Variants in MAP7 observed in about 807,000 individuals in gnomAD.
MAP7 encodes the protein ensconsin.
Under a neutral mutation model 94.8 loss-of-function variants are expected in MAP7, and 52 were observed. The observed-to-expected ratio is 0.55, with a 90% confidence interval of 0.44 to 0.69. The LOEUF (loss-of-function observed/expected upper bound fraction) is 0.69. Among genes scored for constraint, MAP7 ranks in the 30% least tolerant of loss-of-function variants. The pLI is 0.00. For missense variants in MAP7, 940 were observed against 964.6 expected (o/e 0.97, Z 0.34); for synonymous variants, 350 against 357.0 (o/e 0.98, Z 0.22).
intron 1 of MAP7, among the ~76,000 whole-genome samples, chr6:136,492,410 T>C (rs934973306): frequency 2.0e-5 from 3 of 152,236 alleles, no homozygotes; most frequent in African/African-American, 7.2e-5. Flanking sequence ...AACCCTCCCA[T>C]GTAATTTTCT....
chr6:136,345,675 T>C, intron 17 of MAP7, 181 bp downstream of exon 17: 1 of 680,762 alleles, frequency 1.5e-6, no homozygotes, highest in Non-Finnish European at 2.7e-6. Context: ...CCTTAGAAGT[T>C]GTCCAATCCA....
chr6:136,344,126 T>G lies in MAP7; in HGVS notation c.*102A>C. 1 of 486,418 alleles carries G rather than the reference T, an allele frequency of 2.1e-6. No individual in the cohort carries two copies. Among genetic ancestry groups the G allele is most frequent in the South Asian group, 7.1e-5 (1 of 13,992 alleles). 30.1% of individuals were successfully genotyped at this position (486,418 alleles called of 1,614,324 possible). On this transcript the variant is annotated 3_prime_UTR_variant, in exon 18 of 18. Transcript: ENST00000354570. Reference sequence around the variant, plus strand: ...TTTTCAAAATGATGGTCAAGAACTCTAGAAAACGGGTGGAGGGGATGCTCC... The same window carrying G: ...TTTTCAAAATGATGGTCAAGAACTCGAGAAAACGGGTGGAGGGGATGCTCC...
intron 3 of MAP7, among the ~76,000 whole-genome samples, chr6:136,402,157 T>C (rs1784285882): frequency 6.6e-6 from 1 of 152,210 alleles, no homozygotes; most frequent in African/African-American, 2.4e-5. Context: ...CCTTTCCTGA[T>C]GACCACAGCA....
At chr6:136,547,159 A>C (rs1415199881) in intron 1 of MAP7, among the ~76,000 whole-genome samples, 3 of 152,188 alleles carry the variant, frequency 2.0e-5, no homozygotes, top group Admixed American at 1.3e-4. Flanking sequence ...TGATTTGGAA[A>C]AGTTCATGAA....
At chr6:136,454,410 G>A (rs1355347160) in intron 1 of MAP7, among the ~76,000 whole-genome samples, 1 of 151,916 alleles carries the variant, frequency 6.6e-6, no homozygotes, top group Non-Finnish European at 1.5e-5. Flanking sequence ...GGGCTCAAGC[G>A]ATCCTCCCGC....
intron 1 of MAP7, among the ~76,000 whole-genome samples, chr6:136,537,891 C>T (rs1829011698): frequency 6.6e-6 from 1 of 151,934 alleles, no homozygotes; most frequent in Admixed American, 6.5e-5. Flanking sequence ...AAGCGATTCT[C>T]CTGCCTCAGC....
chr6:136,497,797 C>CA (rs1199112585), intron 1 of MAP7, among the ~76,000 whole-genome samples: 3,275 of 46,582 alleles, frequency 0.07, 133 homozygotes, highest in Non-Finnish European at 0.091. Context: ...GACTCTGTCA[C>CA]AAAAAAAAAA....
chr6:136,376,649 G>C (rs988621312), intron 7 of MAP7, among the ~76,000 whole-genome samples: 2 of 152,206 alleles, frequency 1.3e-5, no homozygotes, highest in Non-Finnish European at 2.9e-5. Context: ...GGATGGAGGG[G>C]AAAGCACATT....
At chr6:136,356,618 A>T in intron 16 of MAP7, 74 bp downstream of exon 16, 1 of 1,186,494 alleles carries the variant, frequency 8.4e-7, no homozygotes, top group Non-Finnish European at 1.2e-6. Flanking sequence ...TAATGTTAAG[A>T]CTTTGAAATT....
chr6:136,400,509 A>C (rs1185573051), intron 3 of MAP7, among the ~76,000 whole-genome samples: 1 of 152,214 alleles, frequency 6.6e-6, no homozygotes, highest in Non-Finnish European at 1.5e-5. Flanking sequence ...AGAATGGGTT[A>C]AAAACAAAAA....
At chr6:136,494,877 A>G (rs1817721431) in intron 1 of MAP7, among the ~76,000 whole-genome samples, 1 of 152,216 alleles carries the variant, frequency 6.6e-6, no homozygotes, top group Non-Finnish European at 1.5e-5. Context: ...GAATCCAACA[A>G]TACAGAGCAT....
At chr6:136,518,488 A>T (rs1352254480) in intron 1 of MAP7, among the ~76,000 whole-genome samples, 1 of 152,216 alleles carries the variant, frequency 6.6e-6, no homozygotes, top group East Asian at 1.9e-4. Flanking sequence ...GGGCCTCGGC[A>T]TCTGGGTCTG....
At chr6:136,467,604 T>C (rs1031380665) in intron 1 of MAP7, among the ~76,000 whole-genome samples, 7 of 152,240 alleles carry the variant, frequency 4.6e-5, no homozygotes, top group African/African-American at 1.4e-4. Context: ...TAGTCAGTGA[T>C]ATATTGCATT....
intron 1 of MAP7, among the ~76,000 whole-genome samples, chr6:136,524,673 C>T (rs1827342021): frequency 1.3e-5 from 2 of 152,100 alleles, no homozygotes; most frequent in South Asian, 4.1e-4. Context: ...AAGTAATATG[C>T]TTTTGGATTT....
At chr6:136,443,374 G>A (rs982209867) in intron 1 of MAP7, among the ~76,000 whole-genome samples, 4 of 151,948 alleles carry the variant, frequency 2.6e-5, no homozygotes, top group Admixed American at 2.6e-4. Context: ...TGTCTACATG[G>A]AGGGTTATAA....
chr6:136,396,225 AT>A (rs1360160206), intron 3 of MAP7, among the ~76,000 whole-genome samples: 1 of 151,764 alleles, frequency 6.6e-6, no homozygotes, highest in Admixed American at 6.6e-5. Context: ...GAGCTTTTCA[AT>A]TTTTTTCATC....
intron 1 of MAP7, among the ~76,000 whole-genome samples, chr6:136,447,574 A>C (rs1283445220): frequency 6.6e-6 from 1 of 152,220 alleles, no homozygotes; most frequent in Non-Finnish European, 1.5e-5. Context: ...AAATGTTTTA[A>C]TATTATTTGA....
At chr6:136,493,602 A>C (rs1388074885) in intron 1 of MAP7, among the ~76,000 whole-genome samples, 3 of 152,182 alleles carry the variant, frequency 2.0e-5, no homozygotes, top group Admixed American at 1.3e-4. Context: ...CTTTTGAAGA[A>C]GGGAGACTAA....
intron 3 of MAP7, among the ~76,000 whole-genome samples, chr6:136,395,408 ATTTTT>A (rs34425736): frequency 1.2e-3 from 105 of 87,720 alleles, no homozygotes; most frequent in Admixed American, 5.6e-3. Flanking sequence ...TTTAATTTGG[ATTTTT>A]TTTTTTTTTT....
Sources: gnomAD v4.1 joint callset for allele counts (sites outside exome capture counted in the v4.1 genomes callset) on GRCh38, gnomAD v4.1.1 for gene constraint, MANE v1.5 for transcripts, NCBI Gene and HGNC (gene_info 2026-07-23, HGNC 2026-07-21) for gene names.